CLRN1: variants seen among roughly 807,000 people sequenced by gnomAD.
The protein encoded by CLRN1 is clarin-1.
A neutral mutation model predicts 18.7 loss-of-function variants in CLRN1; 15 were observed. The ratio of observed to expected loss-of-function variants is 0.80; its 90% confidence interval spans 0.54 to 1.23. The LOEUF is 1.23. Among genes scored for constraint, CLRN1 ranks in the 50% most tolerant of loss-of-function variants. The pLI, the probability that CLRN1 is intolerant of heterozygous loss-of-function variation, is 0.00. For synonymous variants in CLRN1, 104 were observed against 102.9 expected (o/e 1.01, Z -0.07); for missense variants, 311 against 277.5 (o/e 1.12, Z -0.86).
chr3:150,972,456 A>G lies in CLRN1; in HGVS notation c.253T>C (p.Phe85Leu), dbSNP rs1156958165. Residue 85 changes from phenylalanine (F) to leucine (L), a missense_variant and splice_region_variant, in exon 1 of 3, where the codon TTT becomes CTT. By Grantham distance (22) the Phe-to-Leu change is conservative. Coordinates refer to ENST00000327047, the MANE Select transcript of CLRN1 (RefSeq NM_174878.3). ...TAACTCAAATGCAATTGCTACTTAC[A>G]TGAGAACCGAAAGGGCCTTGCTCCC... ...GLGARPFRFSFFPDLLKAIPV... is the reference protein window; with the variant it reads ...GLGARPFRFSLFPDLLKAIPV... 1.2e-6 allele frequency: 2 copies of G among 1,614,076 alleles called. No individual in the cohort carries two copies. Among genetic ancestry groups the G allele is most frequent in the East Asian group, 2.2e-5 (1 of 44,892 alleles).
chr3:150,968,201 G>T (rs186389568), intron 1 of CLRN1, among the ~76,000 whole-genome samples: 20 of 152,212 alleles, frequency 1.3e-4, no homozygotes, highest in African/African-American at 4.6e-4. Flanking sequence ...ATCATATTTT[G>T]ATGATATTCT....
chr3:150,941,126 G>A (rs1713797320), intron 2 of CLRN1, among the ~76,000 whole-genome samples: 2 of 137,648 alleles, frequency 1.5e-5, no homozygotes, highest in East Asian at 2.1e-4. Flanking sequence ...AGTCTGTATT[G>A]TCTGTCTGTC....
chr3:150,942,166 G>A (rs1713890475), intron 1 of CLRN1, among the ~76,000 whole-genome samples: 1 of 151,958 alleles, frequency 6.6e-6, no homozygotes, highest in African/African-American at 2.4e-5. Context: ...GATATCTGGG[G>A]AGTTCAAATA....
intron 1 of CLRN1, among the ~76,000 whole-genome samples, chr3:150,968,864 A>T (rs1367134581): frequency 6.6e-6 from 1 of 152,152 alleles, no homozygotes; most frequent in Non-Finnish European, 1.5e-5. Context: ...CCTCCTCCAG[A>T]CACTGCATAT....
At chr3:150,956,686 G>GGT (rs1714751911) in intron 1 of CLRN1, among the ~76,000 whole-genome samples, 1 of 152,154 alleles carries the variant, frequency 6.6e-6, no homozygotes, top group South Asian at 2.1e-4. Flanking sequence ...GCAGTCATTT[G>GGT]GTGAGGGGCT....
intron 2 of CLRN1, among the ~76,000 whole-genome samples, chr3:150,938,406 G>A (rs1377042657): frequency 2.6e-5 from 4 of 152,156 alleles, no homozygotes; most frequent in Non-Finnish European, 5.9e-5. Flanking sequence ...GGGTCTTAGA[G>A]CCAGGGTCTG....
At chr3:150,931,683 A>C (rs1185924958) in intron 2 of CLRN1, among the ~76,000 whole-genome samples, 1 of 152,176 alleles carries the variant, frequency 6.6e-6, no homozygotes, top group Non-Finnish European at 1.5e-5. Flanking sequence ...GGAGCCAGGC[A>C]GGGGAAGAGA....
intron 1 of CLRN1, among the ~76,000 whole-genome samples, chr3:150,969,216 A>T (rs1345859352): frequency 1.4e-5 from 2 of 146,778 alleles, no homozygotes; most frequent in African/African-American, 2.5e-5. Context: ...AATTAATTTC[A>T]TCTATTCCTT....
At chr3:150,929,758 C>T (rs141780048) in intron 2 of CLRN1, among the ~76,000 whole-genome samples, 2 of 152,316 alleles carry the variant, frequency 1.3e-5, no homozygotes, top group East Asian at 3.9e-4. Context: ...CTTACAATGT[C>T]AAATTAGGTA....
intron 1 of CLRN1, among the ~76,000 whole-genome samples, chr3:150,951,676 G>A (rs1451481871): frequency 6.6e-6 from 1 of 152,096 alleles, no homozygotes; most frequent in East Asian, 1.9e-4. Flanking sequence ...GGTTTAATTG[G>A]CTCACAGTTC....
At chr3:150,932,822 G>T (rs1295759869) in intron 2 of CLRN1, among the ~76,000 whole-genome samples, 1 of 152,238 alleles carries the variant, frequency 6.6e-6, no homozygotes, top group Non-Finnish European at 1.5e-5. Context: ...AGGGACAAGT[G>T]AAGTGAGTTA....
chr3:150,957,921 A>G (rs1272195432), intron 1 of CLRN1, among the ~76,000 whole-genome samples: 1 of 152,148 alleles, frequency 6.6e-6, no homozygotes, highest in Non-Finnish European at 1.5e-5. Flanking sequence ...GCAGCCTCCC[A>G]AAGTGCTGGG....
At chr3:150,972,970 A>G, upstream of CLRN1, 1 of 577,004 alleles carries the variant, frequency 1.7e-6, no homozygotes, top group East Asian at 3.2e-5. Context: ...CTGTAAAACA[A>G]GTCTTTCAAA....
At chr3:150,953,827 A>G (rs1315808885) in intron 1 of CLRN1, among the ~76,000 whole-genome samples, 1 of 152,208 alleles carries the variant, frequency 6.6e-6, no homozygotes, top group Non-Finnish European at 1.5e-5. Context: ...CAAGTACTTT[A>G]TATATATAAA....
In CLRN1 at chr3:150,927,606, A is replaced by C; in HGVS notation, c.*330T>G. The C allele has an allele frequency of 2.0e-6, 1 of 493,640 alleles. No individual in the cohort carries two copies. Among genetic ancestry groups the C allele is most frequent in the South Asian group, 1.6e-5 (1 of 64,288 alleles). 30.6% of individuals were successfully genotyped at this position (493,640 alleles called of 1,614,324 possible). A position where few individuals can be genotyped will look rare whatever the true frequency, so the allele number is the denominator to read the frequency against. ...TTAAAATATATTCCATGTGCCTTTG[A>C]TATCTTTTTGATAGGAAGACATCTT... On this transcript the variant is annotated 3_prime_UTR_variant, in exon 3 of 3. Transcript: ENST00000327047.
intron 1 of CLRN1, among the ~76,000 whole-genome samples, chr3:150,950,171 T>C (rs1392142708): frequency 6.6e-6 from 1 of 152,134 alleles, no homozygotes; most frequent in Non-Finnish European, 1.5e-5. Flanking sequence ...TCAAGATGGA[T>C]TAAAGATTTA....
intron 1 of CLRN1, among the ~76,000 whole-genome samples, chr3:150,964,313 A>T (rs1715167528): frequency 6.6e-6 from 1 of 152,226 alleles, no homozygotes; most frequent in Non-Finnish European, 1.5e-5. Context: ...AAAGCTCATC[A>T]TCACTTGTCA....
At position 150,927,618 on chromosome 3, in the gene CLRN1, TAGGA is replaced by T. The variant is rs1049704935; in HGVS notation, c.*314_*317del. On this transcript the variant is annotated 3_prime_UTR_variant, in exon 3 of 3. Transcript: ENST00000327047. ...CCATGTGCCTTTGATATCTTTTTGA[TAGGA>T]AGACATCTTACACACACACACACAC... is the stretch of plus-strand genomic sequence containing the variant. The T allele has an allele frequency of 8.0e-6, 4 of 500,722 alleles. No homozygotes were observed. The highest frequency in any genetic ancestry group is 2.1e-5 in the African/African-American group (1 of 47,498). 31.0% of individuals were successfully genotyped at this position (500,722 alleles called of 1,614,324 possible).
intron 2 of CLRN1, chr3:150,940,408 G>A: frequency 7.4e-7 from 1 of 1,354,144 alleles, no homozygotes; most frequent in Non-Finnish European, 9.9e-7. Context: ...TATAGAGAGA[G>A]AGATCTATAC....
Sources: gnomAD v4.1 joint callset for allele counts (sites outside exome capture counted in the v4.1 genomes callset) on GRCh38, gnomAD v4.1.1 for gene constraint, MANE v1.5 for transcripts, NCBI Gene and HGNC (gene_info 2026-07-23, HGNC 2026-07-21) for gene names.